VPS13B: variants seen among roughly 807,000 people sequenced by gnomAD.
The protein encoded by VPS13B is vacuolar protein sorting 13 homolog B, also known as intermembrane lipid transfer protein VPS13B.
VPS13B carries 285 observed loss-of-function variants against 426.4 expected under a neutral mutation model. That is an observed-to-expected ratio of 0.67 (90% CI 0.61 to 0.74). The LOEUF (loss-of-function observed/expected upper bound fraction) is 0.74. Among genes scored for constraint, VPS13B ranks in the 30% least tolerant of loss-of-function variants. The pLI, the probability that VPS13B is intolerant of heterozygous loss-of-function variation, is 0.00. For synonymous variants in VPS13B, 1,676 were observed against 1,676.4 expected (o/e 1.00, Z 0.01); for missense variants, 4,537 against 4,782.6 (o/e 0.95, Z 1.51).
intron 19 of VPS13B, among the ~76,000 whole-genome samples, chr8:99,331,527 A>T (rs1354688173): frequency 6.6e-6 from 1 of 151,834 alleles, no homozygotes; most frequent in Non-Finnish European, 1.5e-5. Flanking sequence ...TATCAATTTT[A>T]AAATTCTGAA....
At chr8:99,350,218 A>G (rs1335047372) in intron 19 of VPS13B, among the ~76,000 whole-genome samples, 1 of 152,192 alleles carries the variant, frequency 6.6e-6, no homozygotes, top group African/African-American at 2.4e-5. Flanking sequence ...AGAGCTCCAG[A>G]GAAAGTAGTG....
chr8:99,053,406 C>A (rs200119426), intron 3 of VPS13B, among the ~76,000 whole-genome samples: 1 of 151,864 alleles, frequency 6.6e-6, no homozygotes, highest in Non-Finnish European at 1.5e-5. Context: ...GGTTTTTTGT[C>A]CTTGCGATAG....
chr8:99,832,761 A>G, intron 52 of VPS13B, 109 bp downstream of exon 52: 1 of 1,122,130 alleles, frequency 8.9e-7, no homozygotes, highest in Non-Finnish European at 1.3e-6. Flanking sequence ...ATGTAATATT[A>G]GGCTTTATTT....
chr8:99,299,626 A>G (rs1037588320), intron 19 of VPS13B, among the ~76,000 whole-genome samples: 4 of 151,662 alleles, frequency 2.6e-5, no homozygotes, highest in Non-Finnish European at 5.9e-5. Flanking sequence ...TTAAAAGTAA[A>G]TTTGGCCAGG....
intron 5 of VPS13B, among the ~76,000 whole-genome samples, chr8:99,106,805 G>A (rs553351434): frequency 3.9e-4 from 59 of 152,270 alleles, no homozygotes; most frequent in Non-Finnish European, 6.2e-4. Context: ...CCCTCTCCCT[G>A]CACAATCAGG....
chr8:99,297,280 G>A (rs912137177), intron 19 of VPS13B, among the ~76,000 whole-genome samples: 6 of 151,934 alleles, frequency 3.9e-5, no homozygotes, highest in African/African-American at 1.4e-4. Context: ...TTTGAGATGC[G>A]CATAGGAGCT....
chr8:99,755,339 T>G (rs1320126014), intron 39 of VPS13B, among the ~76,000 whole-genome samples: 1 of 152,148 alleles, frequency 6.6e-6, no homozygotes, highest in African/African-American at 2.4e-5. Flanking sequence ...ACTAACCAAG[T>G]GGAGACTTCA....
In VPS13B at chr8:99,460,223, A is replaced by G. The variant is rs558107392; in HGVS notation, c.3446-7191A>G. 1.6e-4 allele frequency among the ~76,000 whole-genome samples: 24 copies of G among 152,010 alleles called. No individual in the cohort carries two copies. In the South Asian group the frequency reaches 4.2e-3, roughly 26 times the overall value. On this transcript the variant is annotated intron_variant, in intron 23 of 61. Coordinates refer to ENST00000357162, the MANE Select transcript of VPS13B (RefSeq NM_152564.5). ...CTTTATATCTGTATTTTAGTGTACC[A>G]TTTAATTTTCTCTATTCATTTTTGT...
At chr8:99,812,172 C>G (rs1461061063) in intron 44 of VPS13B, among the ~76,000 whole-genome samples, 1 of 152,184 alleles carries the variant, frequency 6.6e-6, no homozygotes, top group Non-Finnish European at 1.5e-5. Context: ...TCCCTGCCCC[C>G]TCACTCACTC....
chr8:99,496,545 G>A (rs1005428316), intron 25 of VPS13B, among the ~76,000 whole-genome samples: 10 of 152,180 alleles, frequency 6.6e-5, no homozygotes, highest in South Asian at 4.2e-4. Flanking sequence ...CAGCTACTTC[G>A]GAGGCTGAGG....
chr8:99,511,578 G>C (rs1479499328), intron 29 of VPS13B, 66 bp downstream of exon 29: 1 of 1,518,614 alleles, frequency 6.6e-7, no homozygotes, highest in African/African-American at 1.4e-5. Context: ...TAGTTTTCTG[G>C]GTTTTTTTGT....
chr8:99,445,237 T>C (rs1377468355), intron 23 of VPS13B, among the ~76,000 whole-genome samples: 1 of 148,558 alleles, frequency 6.7e-6, no homozygotes, highest in African/African-American at 2.4e-5. Flanking sequence ...TATTATAAAT[T>C]TATATAATAT....
At chr8:99,246,287 G>C (rs1817215137) in intron 17 of VPS13B, among the ~76,000 whole-genome samples, 1 of 152,186 alleles carries the variant, frequency 6.6e-6, no homozygotes, top group South Asian at 2.1e-4. Flanking sequence ...GATGGGGCCT[G>C]GATGTTGATC....
chr8:99,520,875 A>T (rs1822349494), intron 29 of VPS13B, 24 bp from the exon 30 acceptor site: 1 of 1,591,876 alleles, frequency 6.3e-7, no homozygotes, highest in Admixed American at 1.7e-5. Context: ...CAGTGTATTC[A>T]TGAATCTCCT....
intron 30 of VPS13B, among the ~76,000 whole-genome samples, chr8:99,551,159 G>A (rs1343365251): frequency 6.6e-6 from 1 of 151,906 alleles, no homozygotes; most frequent in Non-Finnish European, 1.5e-5. Flanking sequence ...AGAGCTATCA[G>A]TTTTTCTTTT....
At chr8:99,621,093 G>A (rs77273872) in intron 33 of VPS13B, among the ~76,000 whole-genome samples, 1 of 151,912 alleles carries the variant, frequency 6.6e-6, no homozygotes, top group East Asian at 1.9e-4. Flanking sequence ...GTTAGGGTTA[G>A]GAAGAAGTTG....
intron 40 of VPS13B, among the ~76,000 whole-genome samples, chr8:99,768,809 C>A (rs771212549): frequency 6.6e-6 from 1 of 152,162 alleles, no homozygotes; most frequent in Non-Finnish European, 1.5e-5. Flanking sequence ...TGAATTATTT[C>A]ATGGATGGAA....
chr8:99,668,050 A>G (rs933371446), intron 35 of VPS13B, among the ~76,000 whole-genome samples: 9 of 152,200 alleles, frequency 5.9e-5, no homozygotes, highest in African/African-American at 1.9e-4. Context: ...TTGTGTTATC[A>G]TTAGAAATCT....
intron 42 of VPS13B, among the ~76,000 whole-genome samples, chr8:99,782,559 G>A (rs756136238): frequency 8.6e-5 from 13 of 151,690 alleles, no homozygotes; most frequent in Non-Finnish European, 1.5e-4. Context: ...GAAACAAGTT[G>A]GTCAAGCAAG....
Sources: allele counts gnomAD v4.1 joint callset (sites outside exome capture counted in the v4.1 genomes callset), GRCh38; gene constraint gnomAD v4.1.1; transcripts MANE v1.5; gene names NCBI Gene and HGNC (gene_info 2026-07-23, HGNC 2026-07-21).